Variants in UBR4 observed in about 807,000 individuals in gnomAD.
UBR4 encodes ubiquitin protein ligase E3 component n-recognin 4, also known as E3 ubiquitin-protein ligase UBR4.
A neutral mutation model predicts 575.6 loss-of-function variants in UBR4; 124 were observed. The observed-to-expected ratio is 0.22, with a 90% CI of 0.19 to 0.25. The LOEUF is 0.25. UBR4 is among the 10% of genes least tolerant of loss of function. The pLI, the probability that UBR4 is intolerant of heterozygous loss-of-function variation, is 1.00. For synonymous variants in UBR4, 2,455 were observed against 2,473.7 expected, an observed-to-expected ratio of 0.99 and a Z score of 0.22; for missense variants, 4,818 against 6,478.8, an observed-to-expected ratio of 0.74 and a Z score of 8.80.
intron 94 of UBR4, among the ~76,000 whole-genome samples, chr1:19,094,676 G>A (rs1051089452): frequency 6.6e-6 from 1 of 152,204 alleles, no homozygotes; most frequent in South Asian, 2.1e-4. Flanking sequence ...TTCCATTAAC[G>A]AGCAGCTTTT....
intron 39 of UBR4, 102 bp downstream of exon 39, chr1:19,160,009 A>C (rs769071656): frequency 6.9e-7 from 1 of 1,443,172 alleles, no homozygotes; most frequent in African/African-American, 1.4e-5. Context: ...CCAAGCATCA[A>C]CTGCTCTAAG....
Position 19,144,806 on chromosome 1 carries a change from T to C in UBR4, c.8047A>G (p.Met2683Val), listed in dbSNP as rs765221307. Reference sequence around the variant, plus strand: ...CGTACAGGACACAAGAGCATCTGCATGTAGATCTTGGATGCTGTGTTAATA... The same window carrying C: ...CGTACAGGACACAAGAGCATCTGCACGTAGATCTTGGATGCTGTGTTAATA... ...DCINTASKIY[M>V]QMLLCPDPAV... is the part of the protein sequence containing the mutation. Residue 2683 changes from methionine (M) to valine (V), a missense_variant, in exon 54 of 106, where the codon ATG becomes GTG. Physicochemically the swap from Met to Val is conservative, Grantham distance 21. Around this residue, in one of 29 missense-constraint regions of UBR4, gnomAD observed 340 missense variants for 375.4 expected, o/e 0.91. Coordinates refer to ENST00000375254, the MANE Select transcript of UBR4 (RefSeq NM_020765.3). The C allele has an allele frequency of 8.1e-6, 13 of 1,614,090 alleles. No individual in the cohort carries two copies. The highest frequency in any genetic ancestry group is 1.1e-5 in the Non-Finnish European group (13 of 1,180,028).
rs367744779 is a variant in UBR4 at position 19,126,609 on chromosome 1, G to T, written c.9275C>A (p.Ser3092Tyr). ...GTGCAGGCAGTAGTCCACAGCCCCA[G>T]AGCTCAGTAGAGCTGCTGCTGTGGC... is the stretch of plus-strand genomic sequence containing the variant. ...SSATAAALLS[S>Y]GAVDYCLHVL... The change falls in exon 64 of 106, where the codon TCT (serine) becomes TAT (tyrosine). Residue 3092 changes from serine (S) to tyrosine (Y), a missense_variant. Around this residue, in one of 29 missense-constraint regions of UBR4, gnomAD observed 550 missense variants for 791.5 expected, o/e 0.69. Coordinates refer to ENST00000375254, the MANE Select transcript of UBR4 (RefSeq NM_020765.3). The T allele has an allele frequency of 6.2e-7, 1 of 1,613,946 alleles. No individual in the cohort carries two copies. The highest frequency in any genetic ancestry group is 1.3e-5 in the African/African-American group (1 of 74,926).
Position 19,093,185 on chromosome 1 carries a change from G to A in UBR4, c.14111+128C>T. ...TGAATGGTCACCCACATAGTTTCCA[G>A]AAGCGGTTGGGAGGCCCCAAGGAGG... On this transcript the variant is annotated intron_variant, in intron 96 of 105. Transcript: ENST00000375254. This position sits in a 1 kb window ranked among gnomAD's most constrained non-coding sequence, Gnocchi z 4.8. 2.4e-6 allele frequency: 3 copies of A among 1,265,248 alleles called. No homozygotes were observed. The highest frequency in any genetic ancestry group is 3.3e-6 in the Non-Finnish European group (3 of 905,034). 78.4% of individuals were successfully genotyped at this position (1,265,248 alleles called of 1,614,324 possible).
chr1:19,133,141 C>T (rs1217894348), intron 60 of UBR4, among the ~76,000 whole-genome samples: 2 of 152,078 alleles, frequency 1.3e-5, no homozygotes, highest in Non-Finnish European at 2.9e-5. Context: ...CAATCCCTGA[C>T]AAAGACATCT....
In UBR4 at chr1:19,099,579, G is replaced by A. The variant is rs370505813; in HGVS notation, c.13302+18C>T. ...GAAAAGTGAAACCACACCTCCAAAC[G>A]AGAAAGCAGGCACATACCTCATTCG... On this transcript the variant is annotated intron_variant, in intron 90 of 105. Coordinates refer to ENST00000375254, the MANE Select transcript of UBR4 (RefSeq NM_020765.3). 8.1e-6 allele frequency: 13 copies of A among 1,610,058 alleles called. No homozygotes were observed. The African/African-American group carries it at 1.5e-4, about 18-fold the overall frequency.
At chr1:19,107,005 G>A in intron 81 of UBR4, 39 bp from the exon 82 acceptor site, 1 of 1,607,904 alleles carries the variant, frequency 6.2e-7, no homozygotes, top group Admixed American at 1.7e-5. Flanking sequence ...GGCGCTCAAG[G>A]GCACACCTGA....
Position 19,174,401 on chromosome 1 carries a change from T to C in UBR4, c.2900A>G (p.Tyr967Cys), listed in dbSNP as rs1418673661. Residue 967 changes from tyrosine (Y) to cysteine (C), a missense_variant, in exon 22 of 106, where the codon TAT (tyrosine) becomes TGT (cysteine). Coordinates refer to ENST00000375254, the MANE Select transcript of UBR4 (RefSeq NM_020765.3). ...TGCAAGCAGGGCTGTCAGTGCAGCA[T>C]AAAGCTCATCATACTTGACAAGCTT... ...FSKLVKYDELYAALTALLAAG... is the reference protein window; with the variant it reads ...FSKLVKYDELCAALTALLAAG... 1 of 1,612,936 alleles carries C rather than the reference T, an allele frequency of 6.2e-7. No homozygotes were observed. Among genetic ancestry groups the C allele is most frequent in the Non-Finnish European group, 8.5e-7 (1 of 1,179,972 alleles).
rs914014112 is a variant in UBR4 at position 19,141,344 on chromosome 1, T to C, written c.8488+3A>G. On this transcript the variant is annotated splice_donor_region_variant and intron_variant, in intron 57 of 105. Transcript: ENST00000375254. ...CCGCTTTGTTCTTGGCATGGCCTTCTACCTTGTTGGTCCTGCTGCAGGCTC... is the reference window on the plus strand; with the variant it reads ...CCGCTTTGTTCTTGGCATGGCCTTCCACCTTGTTGGTCCTGCTGCAGGCTC... 81 of 1,614,234 alleles carry C rather than the reference T, an allele frequency of 5.0e-5. No homozygotes were observed. Among genetic ancestry groups the C allele is most frequent in the Non-Finnish European group, 6.9e-5 (81 of 1,180,042 alleles).
At position 19,106,862 on chromosome 1, in the gene UBR4, G is replaced by A. The variant is rs2079261162; in HGVS notation, c.12210C>T (p.Ala4070=). 1 of 1,613,952 alleles carries A rather than the reference G, an allele frequency of 6.2e-7. No homozygotes were observed. The highest frequency in any genetic ancestry group is 8.5e-7 in the Non-Finnish European group (1 of 1,179,938). The change falls in exon 82 of 106, where the codon GCC becomes GCT. Residue 4070 remains alanine, a synonymous_variant. Transcript: ENST00000375254. The part of the protein sequence containing the change: ...LKRDPKASYD[A]WKKCLPIRGI... Reference sequence around the variant, plus strand: ...CTCTGATAGGAAGACACTTCTTCCAGGCATCATAGGATGCCTTGGGGTCTC... The same window carrying A: ...CTCTGATAGGAAGACACTTCTTCCAAGCATCATAGGATGCCTTGGGGTCTC...
At position 19,152,196 on chromosome 1, in the gene UBR4, G is replaced by C. The variant is rs1463058027; in HGVS notation, c.6996+117C>G. 7.2e-7 allele frequency: 1 copy of C among 1,382,918 alleles called. No homozygotes were observed. Among genetic ancestry groups the C allele is most frequent in the African/African-American group, 1.4e-5 (1 of 69,132 alleles). 85.7% of individuals were successfully genotyped at this position (1,382,918 alleles called of 1,614,324 possible). On this transcript the variant is annotated intron_variant, in intron 47 of 105. Coordinates refer to ENST00000375254, the MANE Select transcript of UBR4 (RefSeq NM_020765.3). The surrounding 1 kb of genome is among the most constrained non-coding windows in gnomAD (Gnocchi z 4.4). ...TAAGGAACCATTTAACTAGAACCGA[G>C]GGTTGTGACTGTGAGTATATACTCT...
chr1:19,127,894 T>C (rs181999069), intron 62 of UBR4, among the ~76,000 whole-genome samples, 155 bp from the exon 63 acceptor site: 29 of 152,282 alleles, frequency 1.9e-4, no homozygotes, highest in African/African-American at 6.5e-4. Flanking sequence ...TGGACTATAC[T>C]TGGGGTACCT....
chr1:19,156,863 A>C lies in UBR4; in HGVS notation c.5823T>G (p.Thr1941=), dbSNP rs144431617. The change falls in exon 41 of 106, where the codon ACT becomes ACG. Residue 1941 remains threonine, a synonymous_variant. Coordinates refer to ENST00000375254, the MANE Select transcript of UBR4 (RefSeq NM_020765.3). ...CTGGGGCAGAAGCCAAGCGGGTCAG[A>C]GTTAACTTCCTTTTGCTGGAATCTG... ...KQADSSKRKL[T]LTRLASAPVP... is the part of the protein sequence containing the mutation. The C allele has an allele frequency of 1.6e-5, 26 of 1,614,084 alleles. No homozygotes were observed. In the African/African-American group the frequency reaches 3.3e-4, roughly 21 times the overall value.
chr1:19,105,630 A>AT, intron 84 of UBR4, 103 bp downstream of exon 84: 1 of 875,034 alleles, frequency 1.1e-6, no homozygotes, highest in Non-Finnish European at 1.7e-6. Flanking sequence ...TCTTCTACCC[A>AT]GAGGTGTGCC....
At chr1:19,113,007 T>A (rs1265510759) in intron 77 of UBR4, 140 bp from the exon 78 acceptor site, 1 of 845,504 alleles carries the variant, frequency 1.2e-6, no homozygotes, top group Non-Finnish European at 1.8e-6. Flanking sequence ...ACTGGTTAGA[T>A]GCTTTATCTC....
In UBR4 at chr1:19,197,688, G is replaced by A; in HGVS notation, c.875C>T (p.Ala292Val). 2 of 1,614,144 alleles carry A rather than the reference G, an allele frequency of 1.2e-6. No individual in the cohort carries two copies. Among genetic ancestry groups the A allele is most frequent in the Non-Finnish European group, 1.7e-6 (2 of 1,180,018 alleles). ...ACCTTACCCATTACGAACAGCAGTG[G>A]CATCTGCTACTGTTGCAGGCATTAT... ...FFIMPATVAD[A>V]TAVRNGFHSL... is the part of the protein sequence containing the mutation. The change falls in exon 7 of 106, where the codon GCC becomes GTC. Residue 292 changes from alanine (A) to valine (V), a missense_variant. Around this residue, in one of 29 missense-constraint regions of UBR4, gnomAD observed 131 missense variants for 214.5 expected, o/e 0.61. Coordinates refer to ENST00000375254, the MANE Select transcript of UBR4 (RefSeq NM_020765.3).
chr1:19,145,002 A>G lies in UBR4; in HGVS notation c.7946-95T>C. ...AAAGTGTAACCTTTTATCTCCATGT[A>G]AAAGGTCATGCAAACAAAATGACAA... On this transcript the variant is annotated intron_variant, in intron 53 of 105. Transcript: ENST00000375254. 2.7e-6 allele frequency: 4 copies of G among 1,458,922 alleles called. No homozygotes were observed. In the South Asian group the frequency reaches 3.8e-5, roughly 14 times the overall value. The allele number at this position is 1,458,922 out of a possible 1,614,324, so 90.4% of individuals were successfully genotyped here. A position where few individuals can be genotyped will look rare whatever the true frequency, so the allele number is the denominator to read the frequency against.
rs564492300 is a variant in UBR4 at position 19,131,697 on chromosome 1, A to C, written c.8907-2623T>G. ...AAGACCAGCCTGACCAACATGGAGA[A>C]ACCCCATCTCTACTAAAAATACAAA... On this transcript the variant is annotated intron_variant, in intron 60 of 105. Coordinates refer to ENST00000375254, the MANE Select transcript of UBR4 (RefSeq NM_020765.3). Among the ~76,000 whole-genome samples the C allele has an allele frequency of 7.2e-5, 11 of 152,322 alleles. 1 individual carries two copies. The South Asian group carries it at 2.3e-3, about 32-fold the overall frequency.
chr1:19,075,261 C>CT (rs1399657144), intron 105 of UBR4: 4 of 299,134 alleles, frequency 1.3e-5, no homozygotes, highest in African/African-American at 8.8e-5. Context: ...CTGGCTCTCC[C>CT]TGGCTGCAGG....
Sources: allele counts gnomAD v4.1 joint callset (sites outside exome capture counted in the v4.1 genomes callset), GRCh38; gene constraint gnomAD v4.1.1; regional missense constraint gnomAD v4.1.1; non-coding constraint Gnocchi (gnomAD v3.1); transcripts MANE v1.5; gene names NCBI Gene and HGNC (gene_info 2026-07-23, HGNC 2026-07-21).